PPP6C: variants seen among roughly 807,000 people sequenced by gnomAD.
PPP6C encodes the protein serine/threonine-protein phosphatase 6 catalytic subunit.
Under a neutral mutation model 39.8 loss-of-function variants are expected in PPP6C, and 11 were observed. The ratio of observed to expected loss-of-function variants is 0.28; its 90% CI spans 0.17 to 0.46. The LOEUF is 0.46. Ranked by LOEUF, PPP6C falls within the 20% of genes least tolerant of loss-of-function variation. The probability of loss-of-function intolerance (pLI) is 1.00; values close to 1 mark genes in which losing one functional copy is unlikely to be tolerated. For missense variants in PPP6C, 211 were observed against 373.9 expected (o/e 0.56, Z 3.59); for synonymous variants, 129 against 130.3 (o/e 0.99, Z 0.07).
At chr9:125,151,099 A>T in intron 6 of PPP6C, 1 of 1,345,642 alleles carries the variant, frequency 7.4e-7, no homozygotes, top group Non-Finnish European at 1.1e-6. Context: ...AGGTGTCCTG[A>T]AGTGGATAAG....
rs575620925 is a variant in PPP6C, at chr9:125,172,459, G to A, written c.76-1279C>T. Among the ~76,000 whole-genome samples the A allele has an allele frequency of 8.5e-5, 13 of 152,056 alleles. No homozygotes were observed. The East Asian group carries it at 1.7e-3, about 20-fold the overall frequency. On this transcript the variant is annotated intron_variant, in intron 1 of 6. Coordinates refer to ENST00000373547, the MANE Select transcript of PPP6C (RefSeq NM_002721.5). ...CAACCTCAGGTGATCTGCCCGCTTC[G>A]GCCTCCCAAAGTGGTGGGATTACAG... is the stretch of plus-strand genomic sequence containing the variant.
intron 6 of PPP6C, among the ~76,000 whole-genome samples, chr9:125,150,193 T>C (rs1373202812): frequency 1.3e-5 from 2 of 152,208 alleles, no homozygotes; most frequent in Non-Finnish European, 2.9e-5. Context: ...CAAAATTTTG[T>C]GTTTTCTGAT....
At chr9:125,188,888 T>C in intron 1 of PPP6C, 1 of 1,536,814 alleles carries the variant, frequency 6.5e-7, no homozygotes, top group African/African-American at 1.4e-5. Flanking sequence ...CATTTACTCT[T>C]ACTTGGACTC....
chr9:125,162,469 A>AG (rs1311545727), intron 2 of PPP6C, among the ~76,000 whole-genome samples: 1 of 148,492 alleles, frequency 6.7e-6, no homozygotes. Flanking sequence ...AAAAAAAAAA[A>AG]AAAAAAAAAA....
rs1365914699 is a variant in PPP6C at position 125,162,939 on chromosome 9, G to A, written c.172-2033C>T. 5.3e-5 allele frequency among the ~76,000 whole-genome samples: 8 copies of A among 151,260 alleles called. No individual in the cohort carries two copies. In the East Asian group the frequency reaches 9.7e-4, roughly 18 times the overall value. ...CTAAAAATACAAAAATTAGCCAGGC[G>A]TGGCGGCGGGCACCTGTAGTCCCAG... On this transcript the variant is annotated intron_variant, in intron 2 of 6. Coordinates refer to ENST00000373547, the MANE Select transcript of PPP6C (RefSeq NM_002721.5).
At chr9:125,160,642 A>C (rs185297519) in intron 3 of PPP6C, among the ~76,000 whole-genome samples, 199 bp downstream of exon 3, 1 of 152,326 alleles carries the variant, frequency 6.6e-6, no homozygotes, top group East Asian at 1.9e-4. Flanking sequence ...TGAAACTGTT[A>C]AGTCCATTAA....
chr9:125,153,255 G>A (rs531916086), intron 6 of PPP6C, among the ~76,000 whole-genome samples: 15 of 151,906 alleles, frequency 9.9e-5, no homozygotes, highest in African/African-American at 2.9e-4. Flanking sequence ...CAGCCTAGGC[G>A]ACAGAGCAAG....
chr9:125,180,120 C>T (rs1159339457), intron 1 of PPP6C, among the ~76,000 whole-genome samples: 3 of 152,128 alleles, frequency 2.0e-5, no homozygotes, highest in African/African-American at 7.2e-5. Context: ...ACCATATACA[C>T]ATTAGCAGTC....
chr9:125,183,670 C>A (rs1371078813), intron 1 of PPP6C, among the ~76,000 whole-genome samples: 4 of 152,174 alleles, frequency 2.6e-5, no homozygotes, highest in Admixed American at 2.0e-4. Flanking sequence ...CATGTTCTTG[C>A]AAATTACATT....
intron 3 of PPP6C, 124 bp from the exon 4 acceptor site, chr9:125,158,506 G>A: frequency 2.0e-6 from 2 of 980,698 alleles, no homozygotes; most frequent in East Asian, 2.9e-5. Context: ...GAATTATTTG[G>A]AAATTTGATT....
Position 125,150,423 on chromosome 9 carries a change from T to G in PPP6C, c.670-502A>C, listed in dbSNP as rs549844176. ...CTGGAGCACTTCCCAATATAAGGGG[T>G]GTGTGTGTGTGTGTGTGTGTGTTTT... is the stretch of plus-strand genomic sequence containing the variant. On this transcript the variant is annotated intron_variant, in intron 6 of 6. Coordinates refer to ENST00000373547, the MANE Select transcript of PPP6C (RefSeq NM_002721.5). 5.1e-4 allele frequency among the ~76,000 whole-genome samples: 74 copies of G among 145,086 alleles called. 1 individual carries two copies. The highest frequency in any genetic ancestry group is 1.1e-3 in the African/African-American group (45 of 39,902).
At chr9:125,167,703 CA>C (rs370041445) in intron 2 of PPP6C, among the ~76,000 whole-genome samples, 2,371 of 140,038 alleles carry the variant, frequency 0.017, 100 homozygotes, top group Admixed American at 0.09. Flanking sequence ...AACTCTGTCT[CA>C]AAAAAAAAAA....
intron 5 of PPP6C, 63 bp downstream of exon 5, chr9:125,153,843 G>C (rs1362367517): frequency 6.5e-7 from 1 of 1,527,022 alleles, no homozygotes; most frequent in Non-Finnish European, 9.1e-7. Flanking sequence ...ATGACAACTA[G>C]ATAAAAATAT....
intron 1 of PPP6C, among the ~76,000 whole-genome samples, chr9:125,183,652 G>A (rs982576773): frequency 6.6e-6 from 1 of 152,072 alleles, no homozygotes. Flanking sequence ...CAAGTTCCCC[G>A]AACCAGCCAT....
intron 2 of PPP6C, among the ~76,000 whole-genome samples, chr9:125,165,032 C>A (rs943545075): frequency 6.6e-6 from 1 of 152,022 alleles, no homozygotes; most frequent in Admixed American, 6.6e-5. Context: ...CCACCGCGCC[C>A]GGCTGGGAAG....
intron 1 of PPP6C, among the ~76,000 whole-genome samples, chr9:125,179,469 C>CAA (rs1829377785): frequency 6.6e-6 from 1 of 151,900 alleles, no homozygotes; most frequent in African/African-American, 2.4e-5. Context: ...ATTTATTAGA[C>CAA]AGAGTTTTGT....
chr9:125,162,952 C>T (rs1477018508), intron 2 of PPP6C, among the ~76,000 whole-genome samples: 3 of 151,012 alleles, frequency 2.0e-5, no homozygotes, highest in Non-Finnish European at 4.4e-5. Flanking sequence ...GCGGCGGGCA[C>T]CTGTAGTCCC....
chr9:125,167,250 G>A (rs1234915323), intron 2 of PPP6C, among the ~76,000 whole-genome samples: 2 of 151,046 alleles, frequency 1.3e-5, no homozygotes, highest in South Asian at 2.1e-4. Context: ...GCGTGGTGGT[G>A]CGTGCCTGTA....
rs1588300453 is a variant in PPP6C at position 125,187,277 on chromosome 9, A to G, written c.75+2367T>C. 2.0e-5 allele frequency among the ~76,000 whole-genome samples: 3 copies of G among 148,816 alleles called. No individual in the cohort carries two copies. In the East Asian group the frequency reaches 6.0e-4, roughly 30 times the overall value. ...ATCTTTCAAATCATTTCAGTGCCCA[A>G]TTTCCTTTTCTTTTTTTTTGAGACA... On this transcript the variant is annotated intron_variant, in intron 1 of 6. Transcript: ENST00000373547.
Sources: allele counts gnomAD v4.1 joint callset (sites outside exome capture counted in the v4.1 genomes callset), GRCh38; gene constraint gnomAD v4.1.1; transcripts MANE v1.5; gene names NCBI Gene and HGNC (gene_info 2026-07-23, HGNC 2026-07-21).